Variants in PCMTD1 observed in about 807,000 individuals in gnomAD.
PCMTD1 encodes the protein protein-L-isoaspartate (D-aspartate) O-methyltransferase domain containing 1.
Under a neutral mutation model 37.6 loss-of-function variants are expected in PCMTD1, and 12 were observed. The observed-to-expected ratio is 0.32, with a 90% CI of 0.20 to 0.52. The LOEUF (loss-of-function observed/expected upper bound fraction) is 0.52. PCMTD1 is among the 20% of genes least tolerant of loss of function. The pLI, the probability that PCMTD1 is intolerant of heterozygous loss-of-function variation, is 0.97. For missense variants in PCMTD1, 235 were observed against 421.3 expected, an observed-to-expected ratio of 0.56 and a Z score of 3.87; for synonymous variants, 117 against 135.8, an observed-to-expected ratio of 0.86 and a Z score of 0.96.
intron 2 of PCMTD1, chr8:51,849,470 A>T (rs189021508): frequency 4.6e-5 from 7 of 152,150 alleles, no homozygotes; most frequent in East Asian, 3.9e-4. Flanking sequence ...CTTTTTTTTT[A>T]AAAAAAGAAA....
At chr8:51,841,675 A>AT (rs1183057338) in intron 3 of PCMTD1, among the ~76,000 whole-genome samples, 1 of 66,644 alleles carries the variant, frequency 1.5e-5, no homozygotes, top group African/African-American at 2.6e-5. Flanking sequence ...AAAGCTGGAG[A>AT]TAATTTTTTT....
At chr8:51,854,093 G>A (rs1487401160) in intron 2 of PCMTD1, among the ~76,000 whole-genome samples, 1 of 152,100 alleles carries the variant, frequency 6.6e-6, no homozygotes, top group Admixed American at 6.5e-5. Flanking sequence ...AACTCAAAAT[G>A]CTCAGAGAAC....
chr8:51,850,489 C>G (rs2038289119), intron 2 of PCMTD1, among the ~76,000 whole-genome samples: 1 of 152,162 alleles, frequency 6.6e-6, no homozygotes, highest in South Asian at 2.1e-4. Context: ...GGGCGTGACC[C>G]AGGGTCTGCA....
intron 1 of PCMTD1, among the ~76,000 whole-genome samples, chr8:51,894,789 CAA>C (rs35399725): frequency 1.1e-3 from 147 of 138,018 alleles, no homozygotes; most frequent in Non-Finnish European, 1.2e-3. Flanking sequence ...AGTAAGATGA[CAA>C]AAAAAAAAAA....
chr8:51,878,603 G>A (rs982761730), intron 1 of PCMTD1, among the ~76,000 whole-genome samples: 3 of 151,926 alleles, frequency 2.0e-5, no homozygotes, highest in Middle Eastern at 3.2e-3. Context: ...TAAAAAATTA[G>A]CCAGGCATGG....
At chr8:51,886,689 G>C (rs925272284) in intron 1 of PCMTD1, among the ~76,000 whole-genome samples, 3 of 152,134 alleles carry the variant, frequency 2.0e-5, no homozygotes, top group African/African-American at 7.2e-5. Context: ...TTGGGGAGAG[G>C]CTGTTTAGAA....
At chr8:51,881,460 C>G (rs1166752112) in intron 1 of PCMTD1, among the ~76,000 whole-genome samples, 1 of 152,144 alleles carries the variant, frequency 6.6e-6, no homozygotes. Context: ...CAAAACGCCT[C>G]AATTTGCCAG....
At chr8:51,891,038 A>G (rs1264705262) in intron 1 of PCMTD1, among the ~76,000 whole-genome samples, 1 of 152,072 alleles carries the variant, frequency 6.6e-6, no homozygotes, top group Non-Finnish European at 1.5e-5. Context: ...CTTTATCCAT[A>G]TTTTCTAGTC....
chr8:51,821,215 C>T (rs1173161140), intron 5 of PCMTD1, among the ~76,000 whole-genome samples: 1 of 152,226 alleles, frequency 6.6e-6, no homozygotes, highest in Admixed American at 6.5e-5. Flanking sequence ...TCATGGCCTA[C>T]TGGAGCCTCA....
chr8:51,881,853 C>T (rs2038797455), intron 1 of PCMTD1, among the ~76,000 whole-genome samples: 1 of 152,124 alleles, frequency 6.6e-6, no homozygotes, highest in South Asian at 2.1e-4. Flanking sequence ...AATACTATTT[C>T]AGGGGCACCT....
At position 51,831,380 on chromosome 8, in the gene PCMTD1, C is replaced by T. The variant is rs2129275744; in HGVS notation, c.706+64G>A. On this transcript the variant is annotated intron_variant, in intron 5 of 5. Coordinates refer to ENST00000522514, the MANE Select transcript of PCMTD1 (RefSeq NM_052937.4). ...TCTTCATAATTACATAGTCTTAAAT[C>T]CCAAGCATAAAAGCCAAACACCATA... 7 of 1,478,868 alleles carry T rather than the reference C, an allele frequency of 4.7e-6. No individual in the cohort carries two copies. The South Asian group carries it at 8.7e-5, about 18-fold the overall frequency. 91.6% of individuals were successfully genotyped at this position (1,478,868 alleles called of 1,614,324 possible). A position where few individuals can be genotyped will look rare whatever the true frequency, so the allele number is the denominator to read the frequency against.
chr8:51,892,871 T>C (rs2038954444), intron 1 of PCMTD1, among the ~76,000 whole-genome samples: 1 of 152,190 alleles, frequency 6.6e-6, no homozygotes. Context: ...TTCCATTATA[T>C]CATTCCAGAG....
chr8:51,840,252 G>C (rs1351759796), intron 3 of PCMTD1, among the ~76,000 whole-genome samples: 1 of 152,082 alleles, frequency 6.6e-6, no homozygotes, highest in African/African-American at 2.4e-5. Context: ...GTCATATAAA[G>C]GTGAGCCTTT....
intron 1 of PCMTD1, among the ~76,000 whole-genome samples, chr8:51,884,117 T>G (rs75539200): frequency 0.062 from 9,401 of 152,250 alleles, 382 homozygotes; most frequent in Non-Finnish European, 0.088. Flanking sequence ...ATGCCTTCTT[T>G]GGGTGTGTTG....
chr8:51,826,906 G>C (rs1441312855), intron 5 of PCMTD1: 10 of 877,530 alleles, frequency 1.1e-5, no homozygotes, highest in Non-Finnish European at 1.4e-5. Flanking sequence ...AATTAGTGGT[G>C]AATCAAGATG....
At position 51,820,229 on chromosome 8, in the gene PCMTD1, G is replaced by T; in HGVS notation, c.*122C>A. 1 of 490,976 alleles carries T rather than the reference G, an allele frequency of 2.0e-6. No individual in the cohort carries two copies. The highest frequency in any genetic ancestry group is 2.9e-6 in the Non-Finnish European group (1 of 339,206). 30.4% of individuals were successfully genotyped at this position (490,976 alleles called of 1,614,324 possible). The stretch of plus-strand genomic sequence containing the variant: ...ATTTGTGTTACTGACAGAAACAAGT[G>T]ATTTTTTTTCCACTATAATTTGCTC... On this transcript the variant is annotated 3_prime_UTR_variant, in exon 6 of 6. Transcript: ENST00000522514.
intron 1 of PCMTD1, among the ~76,000 whole-genome samples, chr8:51,872,832 T>C (rs2038658261): frequency 6.6e-6 from 1 of 152,240 alleles, no homozygotes; most frequent in Non-Finnish European, 1.5e-5. Flanking sequence ...CATATATTAA[T>C]GTACTGTGGA....
chr8:51,859,762 C>T (rs1207828819), intron 2 of PCMTD1, among the ~76,000 whole-genome samples: 2 of 152,184 alleles, frequency 1.3e-5, no homozygotes, highest in African/African-American at 2.4e-5. Context: ...AGTCACCCTA[C>T]TAGAGGATAT....
intron 4 of PCMTD1, among the ~76,000 whole-genome samples, chr8:51,832,959 C>T (rs2038017471): frequency 6.6e-6 from 1 of 152,210 alleles, no homozygotes; most frequent in African/African-American, 2.4e-5. Context: ...GATCCTCCCA[C>T]CTCAGCCTTC....
Sources: gnomAD v4.1 joint callset for allele counts (sites outside exome capture counted in the v4.1 genomes callset) on GRCh38, gnomAD v4.1.1 for gene constraint, MANE v1.5 for transcripts, NCBI Gene and HGNC (gene_info 2026-07-23, HGNC 2026-07-21) for gene names.